The following GRM5 variants were observed in gnomAD, a reference collection of about 807,000 sequenced individuals.
GRM5 encodes metabotropic glutamate receptor 5.
GRM5 carries 19 observed loss-of-function variants against 83.1 expected under a neutral mutation model. The ratio of observed to expected loss-of-function variants is 0.23; its 90% CI spans 0.16 to 0.34. The LOEUF (loss-of-function observed/expected upper bound fraction) is 0.34, where lower values mean the gene tolerates loss of function less well. GRM5 is among the 10% of genes least tolerant of loss of function. The pLI is 1.00. For missense variants in GRM5, 1,160 were observed against 1,588.3 expected (o/e 0.73, Z 4.58); for synonymous variants, 675 against 633.6 (o/e 1.07, Z -0.98).
chr11:88,866,279 C>T (rs1016960367), intron 2 of GRM5, among the ~76,000 whole-genome samples: 19 of 152,140 alleles, frequency 1.2e-4, no homozygotes, highest in Non-Finnish European at 2.4e-4. Context: ...TGGAAACCAT[C>T]ATTCTCAGCA....
chr11:88,891,915 G>A (rs1446214128), intron 2 of GRM5, among the ~76,000 whole-genome samples: 2 of 152,026 alleles, frequency 1.3e-5, no homozygotes, highest in South Asian at 2.1e-4. Flanking sequence ...TGCTCAGAAA[G>A]CTAAAGCAAT....
At chr11:88,533,665 G>A (rs1262763702) in intron 8 of GRM5, among the ~76,000 whole-genome samples, 2 of 152,056 alleles carry the variant, frequency 1.3e-5, no homozygotes, top group African/African-American at 2.4e-5. Flanking sequence ...ATTGAATGAG[G>A]TATGCATGAA....
intron 3 of GRM5, among the ~76,000 whole-genome samples, chr11:88,653,997 CCATA>C (rs1009217807): frequency 3.3e-5 from 5 of 152,000 alleles, no homozygotes; most frequent in African/African-American, 1.2e-4. Flanking sequence ...AGTCCATAGT[CCATA>C]CACTATTTTC....
At chr11:88,935,325 TG>T (rs1342161875) in intron 2 of GRM5, among the ~76,000 whole-genome samples, 3 of 149,122 alleles carry the variant, frequency 2.0e-5, no homozygotes, top group Non-Finnish European at 3.0e-5. Context: ...ATCACATAGA[TG>T]AAGACAAAAA....
chr11:88,985,308 C>T (rs1417168467), intron 2 of GRM5, among the ~76,000 whole-genome samples: 1 of 151,922 alleles, frequency 6.6e-6, no homozygotes, highest in Non-Finnish European at 1.5e-5. Context: ...AATAAAAATC[C>T]TTTGAATGAT....
chr11:88,865,397 AC>A, intron 2 of GRM5, among the ~76,000 whole-genome samples: 1 of 152,288 alleles, frequency 6.6e-6, no homozygotes, highest in Non-Finnish European at 1.5e-5. Flanking sequence ...TACACCTTTT[AC>A]AAAAATTAAT....
At chr11:88,658,856 A>G (rs1256495807) in intron 3 of GRM5, among the ~76,000 whole-genome samples, 4 of 152,156 alleles carry the variant, frequency 2.6e-5, no homozygotes, top group Non-Finnish European at 4.4e-5. Flanking sequence ...ATCAGTTGTG[A>G]GTGTTCTTTT....
intron 3 of GRM5, among the ~76,000 whole-genome samples, chr11:88,716,479 A>G (rs1941402383): frequency 6.6e-6 from 1 of 151,964 alleles, no homozygotes; most frequent in Admixed American, 6.6e-5. Context: ...GAGGTTTTAA[A>G]TAAGACAAAT....
intron 4 of GRM5, among the ~76,000 whole-genome samples, chr11:88,644,190 A>G (rs1939376965): frequency 6.6e-6 from 1 of 152,198 alleles, no homozygotes; most frequent in South Asian, 2.1e-4. Context: ...ACACACAAGA[A>G]TATGCAAGGC....
chr11:88,715,373 T>C (rs1428883443), intron 3 of GRM5, among the ~76,000 whole-genome samples: 2 of 151,904 alleles, frequency 1.3e-5, no homozygotes, highest in Admixed American at 6.6e-5. Context: ...TCTATCTGAC[T>C]GCAAGACATA....
intron 2 of GRM5, among the ~76,000 whole-genome samples, chr11:89,004,001 G>C (rs1940458649): frequency 6.6e-6 from 1 of 152,134 alleles, no homozygotes; most frequent in Non-Finnish European, 1.5e-5. Flanking sequence ...CGGAGTGAAG[G>C]CTTAAGAAGG....
intron 3 of GRM5, among the ~76,000 whole-genome samples, chr11:88,748,870 G>C (rs1249221191): frequency 6.6e-6 from 1 of 152,064 alleles, no homozygotes; most frequent in Non-Finnish European, 1.5e-5. Flanking sequence ...TGGCCTGATT[G>C]TTAAAAACAA....
At chr11:88,989,414 A>G (rs1458389849) in intron 2 of GRM5, among the ~76,000 whole-genome samples, 2 of 124,556 alleles carry the variant, frequency 1.6e-5, no homozygotes, top group Non-Finnish European at 3.6e-5. Context: ...TAATAATGGG[A>G]GACTTTAACA....
chr11:88,952,539 G>A (rs935723176), intron 2 of GRM5, among the ~76,000 whole-genome samples: 2 of 152,058 alleles, frequency 1.3e-5, no homozygotes, highest in African/African-American at 4.8e-5. Flanking sequence ...AAAACGTAAA[G>A]AAAAATTTCT....
intron 2 of GRM5, among the ~76,000 whole-genome samples, chr11:89,034,568 T>G (rs1455842667): frequency 1.3e-5 from 2 of 151,850 alleles, no homozygotes; most frequent in Non-Finnish European, 3.0e-5. Context: ...CCAGTTCACT[T>G]TTTTCACAGT....
chr11:88,625,339 T>C (rs1169135125), intron 4 of GRM5, among the ~76,000 whole-genome samples: 1 of 152,138 alleles, frequency 6.6e-6, no homozygotes, highest in Non-Finnish European at 1.5e-5. Context: ...GCTATACCCG[T>C]GTCCCTGACT....
intron 2 of GRM5, among the ~76,000 whole-genome samples, chr11:88,978,444 TACAGTA>T (rs1484529081): frequency 1.1e-5 from 1 of 93,782 alleles, no homozygotes; most frequent in Non-Finnish European, 2.2e-5. Context: ...ACACATCAAA[TACAGTA>T]ACATTAACAA....
At chr11:88,798,400 A>AG (rs527966379) in intron 3 of GRM5, among the ~76,000 whole-genome samples, 5 of 152,260 alleles carry the variant, frequency 3.3e-5, no homozygotes, top group South Asian at 2.1e-4. Flanking sequence ...CTTGACCCTA[A>AG]GTTCAGTATA....
chr11:88,877,087 G>A (rs1180781400), intron 2 of GRM5, among the ~76,000 whole-genome samples: 1 of 151,834 alleles, frequency 6.6e-6, no homozygotes, highest in East Asian at 1.9e-4. Flanking sequence ...AGAGGGGAGG[G>A]GAGAAGTCAG....
Sources: allele counts gnomAD v4.1 joint callset (sites outside exome capture counted in the v4.1 genomes callset), GRCh38; gene constraint gnomAD v4.1.1; transcripts MANE v1.5; gene names NCBI Gene and HGNC (gene_info 2026-07-23, HGNC 2026-07-21).